Variants in GLCCI1 observed in about 807,000 individuals in gnomAD.
GLCCI1 encodes the protein glucocorticoid induced 1, also known as glucocorticoid-induced transcript 1 protein.
Under a neutral mutation model 52.2 loss-of-function variants are expected in GLCCI1, and 24 were observed. The ratio of observed to expected loss-of-function variants is 0.46; its 90% CI spans 0.33 to 0.65. GLCCI1 has a LOEUF of 0.65. Ranked by LOEUF, GLCCI1 falls within the 30% of genes least tolerant of loss-of-function variation. GLCCI1 has a pLI of 0.02. For synonymous variants in GLCCI1, 310 were observed against 276.5 expected (o/e 1.12, Z -1.20); for missense variants, 704 against 701.5 (o/e 1.00, Z -0.04).
intron 2 of GLCCI1, among the ~76,000 whole-genome samples, chr7:8,013,473 T>C (rs1296602195): frequency 6.6e-6 from 1 of 152,184 alleles, no homozygotes; most frequent in Non-Finnish European, 1.5e-5. Flanking sequence ...TTTTAATTTG[T>C]ATTGCTTAGT....
chr7:8,072,655 G>T (rs974761184), intron 6 of GLCCI1, among the ~76,000 whole-genome samples: 1 of 152,176 alleles, frequency 6.6e-6, no homozygotes, highest in African/African-American at 2.4e-5. Flanking sequence ...GTTTTAGGTT[G>T]TGTAGGTGGT....
At chr7:8,034,359 A>G (rs934774162) in intron 3 of GLCCI1, among the ~76,000 whole-genome samples, 6 of 152,186 alleles carry the variant, frequency 3.9e-5, no homozygotes, top group African/African-American at 1.4e-4. Context: ...CCTAAAAGAA[A>G]AAAAGATAAT....
chr7:8,007,357 T>G (rs73242053), intron 2 of GLCCI1, among the ~76,000 whole-genome samples: 1 of 152,192 alleles, frequency 6.6e-6, no homozygotes, highest in Non-Finnish European at 1.5e-5. Context: ...TACATCGTTA[T>G]GTAATATGTA....
intron 1 of GLCCI1, among the ~76,000 whole-genome samples, chr7:7,991,280 T>C (rs1035722042): frequency 6.6e-6 from 1 of 152,104 alleles, no homozygotes; most frequent in Non-Finnish European, 1.5e-5. Flanking sequence ...AAAATATATT[T>C]GGATTAGGAA....
Position 8,078,979 on chromosome 7 carries a change from A to G in GLCCI1, c.1178-5918A>G, listed in dbSNP as rs151198286. On this transcript the variant is annotated intron_variant, in intron 6 of 7. Transcript: ENST00000223145. ...AAAGAGGAAATGCTAAATTTTATCT[A>G]ATGTTGCACTGACAACATTGATAGC... 2.6e-5 allele frequency among the ~76,000 whole-genome samples: 4 copies of G among 152,334 alleles called. No individual in the cohort carries two copies. The East Asian group carries it at 7.7e-4, about 29-fold the overall frequency.
chr7:8,013,635 G>A (rs1182596573), intron 2 of GLCCI1, among the ~76,000 whole-genome samples: 1 of 152,114 alleles, frequency 6.6e-6, no homozygotes, highest in Non-Finnish European at 1.5e-5. Context: ...CAAGAAAGGG[G>A]TATATCTTTT....
chr7:7,986,631 CAT>C (rs577353535), intron 1 of GLCCI1, among the ~76,000 whole-genome samples: 37 of 152,126 alleles, frequency 2.4e-4, no homozygotes, highest in Non-Finnish European at 4.9e-4. Context: ...AAGTTTGAGT[CAT>C]GTGTTTTAAA....
chr7:8,066,154 G>GT (rs1007140581), intron 5 of GLCCI1, among the ~76,000 whole-genome samples: 3 of 151,976 alleles, frequency 2.0e-5, no homozygotes, highest in Non-Finnish European at 2.9e-5. Context: ...GAATTTACCT[G>GT]TTTTTTTCTG....
intron 5 of GLCCI1, chr7:8,070,261 C>G (rs1422878354): frequency 6.6e-6 from 1 of 152,122 alleles, no homozygotes; most frequent in Non-Finnish European, 1.5e-5. Context: ...AGTATTCAAA[C>G]TAAGGAAGAT....
intron 1 of GLCCI1, among the ~76,000 whole-genome samples, chr7:7,972,185 C>T (rs889580278): frequency 7.2e-5 from 11 of 152,110 alleles, no homozygotes; most frequent in African/African-American, 2.7e-4. Context: ...GGATTTTAGC[C>T]TCCACTGGTC....
At chr7:8,052,735 A>C (rs1235936040) in intron 3 of GLCCI1, among the ~76,000 whole-genome samples, 1 of 152,208 alleles carries the variant, frequency 6.6e-6, no homozygotes, top group Non-Finnish European at 1.5e-5. Flanking sequence ...TGTGGATAAG[A>C]AGGATGAACT....
intron 1 of GLCCI1, among the ~76,000 whole-genome samples, chr7:7,986,124 A>G (rs550967509): frequency 9.5e-4 from 144 of 152,300 alleles, no homozygotes; most frequent in Non-Finnish European, 2.9e-4. Flanking sequence ...CTGTATAAAA[A>G]GTTTTAAAGT....
chr7:7,994,450 C>G (rs1218059086), intron 1 of GLCCI1, among the ~76,000 whole-genome samples: 6 of 152,156 alleles, frequency 3.9e-5, no homozygotes, highest in Non-Finnish European at 8.8e-5. Context: ...GTGGGAAGTA[C>G]AGTATCAAGG....
At chr7:7,978,888 T>C (rs1408265936) in intron 1 of GLCCI1, among the ~76,000 whole-genome samples, 3 of 152,166 alleles carry the variant, frequency 2.0e-5, no homozygotes, top group African/African-American at 7.2e-5. Flanking sequence ...TACAAAAATA[T>C]CATAGTAAAA....
intron 1 of GLCCI1, among the ~76,000 whole-genome samples, chr7:7,994,554 C>A (rs575703569): frequency 6.6e-6 from 1 of 152,186 alleles, no homozygotes; most frequent in Admixed American, 6.5e-5. Context: ...GCTCTAATAA[C>A]AACCTGCTCT....
chr7:8,015,546 A>C (rs116608521), intron 2 of GLCCI1, among the ~76,000 whole-genome samples: 2,449 of 152,244 alleles, frequency 0.016, 55 homozygotes, highest in East Asian at 0.085. Flanking sequence ...TGTTGAGATC[A>C]CCTTTACTTT....
In GLCCI1 at chr7:8,086,600, G is replaced by T. The variant is rs1783111843; in HGVS notation, c.*62G>T. 2.2e-6 allele frequency: 3 copies of T among 1,333,720 alleles called. No individual in the cohort carries two copies. The highest frequency in any genetic ancestry group is 2.4e-4 in the Middle Eastern group (1 of 4,172). The allele number at this position is 1,333,720 out of a possible 1,614,324, so 82.6% of individuals were successfully genotyped here. On this transcript the variant is annotated 3_prime_UTR_variant, in exon 8 of 8. Transcript: ENST00000223145. The surrounding 1 kb of genome is among the most constrained non-coding windows in gnomAD (Gnocchi z 4.4). ...ATTCGGAACAAGATTTCAGACATCT[G>T]CATGAGTGACAAACTTTCTGAACAC... is the stretch of plus-strand genomic sequence containing the variant.
At chr7:8,056,676 A>G (rs1201779140) in intron 4 of GLCCI1, among the ~76,000 whole-genome samples, 1 of 152,234 alleles carries the variant, frequency 6.6e-6, no homozygotes, top group Non-Finnish European at 1.5e-5. Flanking sequence ...TCATTGCATC[A>G]GAAAACCAAA....
chr7:7,985,319 C>G (rs1295892783), intron 1 of GLCCI1, among the ~76,000 whole-genome samples: 4 of 152,118 alleles, frequency 2.6e-5, no homozygotes, highest in Admixed American at 6.5e-5. Context: ...AGTTCACATT[C>G]CTTTTTCAGC....
Sources: allele counts gnomAD v4.1 joint callset (sites outside exome capture counted in the v4.1 genomes callset), GRCh38; gene constraint gnomAD v4.1.1; non-coding constraint Gnocchi (gnomAD v3.1); transcripts MANE v1.5; gene names NCBI Gene and HGNC (gene_info 2026-07-23, HGNC 2026-07-21).